Variants in TVP23C observed in about 807,000 individuals in gnomAD.
TVP23C encodes the protein trans-golgi network vesicle protein 23 homolog C.
Under a neutral mutation model 28.7 loss-of-function variants are expected in TVP23C, and 19 were observed. The observed-to-expected ratio is 0.66, with a 90% confidence interval of 0.46 to 0.97. The LOEUF (loss-of-function observed/expected upper bound fraction) is 0.97. TVP23C is among the 50% of genes least tolerant of loss of function. The pLI is 0.00. For synonymous variants in TVP23C, 68 were observed against 81.7 expected, an observed-to-expected ratio of 0.83 and a Z score of 0.90; for missense variants, 186 against 241.3, an observed-to-expected ratio of 0.77 and a Z score of 1.52.
intron 5 of TVP23C, among the ~76,000 whole-genome samples, chr17:15,527,035 C>T (rs1445105155): frequency 6.6e-6 from 1 of 152,154 alleles, no homozygotes; most frequent in Non-Finnish European, 1.5e-5. Flanking sequence ...TTCCAGGCCA[C>T]CAAGCCAAAA....
At chr17:15,547,942 C>G (rs1408786427) in intron 3 of TVP23C, among the ~76,000 whole-genome samples, 1 of 152,128 alleles carries the variant, frequency 6.6e-6, no homozygotes, top group African/African-American at 2.4e-5. Context: ...CTAATAGATT[C>G]AGTGGTTCTG....
chr17:15,502,966 G>A (rs1330860207), exon 6 of TVP23C: 13 of 1,614,054 alleles, frequency 8.1e-6, no homozygotes, highest in Non-Finnish European at 1.1e-5. Flanking sequence ...GCCGCAAGGA[G>A]AGAAATAGGC....
At chr17:15,509,464 A>G (rs1597503410) in intron 5 of TVP23C, among the ~76,000 whole-genome samples, 1 of 152,332 alleles carries the variant, frequency 6.6e-6, no homozygotes, top group African/African-American at 2.4e-5. Context: ...CCTTCTTTCC[A>G]AGTGGTGGTT....
downstream of TVP23C, among the ~76,000 whole-genome samples, chr17:15,534,578 TACACACACACACACACACACACAC>T (rs370038704): frequency 1.6e-5 from 2 of 125,160 alleles, no homozygotes; most frequent in Non-Finnish European, 3.2e-5. Context: ...CCATCACTTC[TACACACACACACACACACACACAC>T]ACACACACAC....
Position 15,537,332 on chromosome 17 carries a change from G to A in TVP23C, c.*3080C>T, listed in dbSNP as rs2150846127. The A allele has an allele frequency of 3.3e-6, 3 of 908,590 alleles. No individual in the cohort carries two copies. The highest frequency in any genetic ancestry group is 5.1e-5 in the South Asian group (1 of 19,698). The allele number at this position is 908,590 out of a possible 1,614,324, so 56.3% of individuals were successfully genotyped here. ...TTTAGGCATTTATTATGCCAAGTAT[G>A]TAAATTATTATTCTCATTATGACAT... On this transcript the variant is annotated 3_prime_UTR_variant, in exon 6 of 6. Transcript: ENST00000518321.
chr17:15,543,778 G>C (rs1046976092), intron 5 of TVP23C, among the ~76,000 whole-genome samples: 2 of 151,714 alleles, frequency 1.3e-5, no homozygotes, highest in Non-Finnish European at 2.9e-5. Context: ...TGTGTCCCCA[G>C]ACAGCTCTGA....
At chr17:15,554,667 C>T (rs1984049853) in intron 2 of TVP23C, among the ~76,000 whole-genome samples, 1 of 152,176 alleles carries the variant, frequency 6.6e-6, no homozygotes, top group African/African-American at 2.4e-5. Flanking sequence ...AATTTTACAA[C>T]TTTTCATTAC....
At chr17:15,506,588 G>C (rs1024247968) in intron 5 of TVP23C, among the ~76,000 whole-genome samples, 2 of 152,192 alleles carry the variant, frequency 1.3e-5, no homozygotes, top group African/African-American at 4.8e-5. Flanking sequence ...CGGAAGCTTT[G>C]TTCTTTTGCT....
chr17:15,557,780 T>C (rs1984200555), intron 1 of TVP23C, among the ~76,000 whole-genome samples: 1 of 141,272 alleles, frequency 7.1e-6, no homozygotes, highest in Admixed American at 7.3e-5. Context: ...TCATTCCTAC[T>C]ACAGGGCACT....
At chr17:15,512,585 C>G (rs1982045816) in intron 5 of TVP23C, among the ~76,000 whole-genome samples, 1 of 152,218 alleles carries the variant, frequency 6.6e-6, no homozygotes, top group Admixed American at 6.5e-5. Context: ...AAAGCAATCT[C>G]TGTTGCCACA....
chr17:15,512,386 A>G (rs751518921), intron 5 of TVP23C, among the ~76,000 whole-genome samples: 1 of 152,184 alleles, frequency 6.6e-6, no homozygotes, highest in Non-Finnish European at 1.5e-5. Context: ...ACCAGGCTCT[A>G]ACTCTCTCCA....
At chr17:15,510,033 C>T (rs908260486) in intron 5 of TVP23C, among the ~76,000 whole-genome samples, 26 of 152,154 alleles carry the variant, frequency 1.7e-4, no homozygotes, top group African/African-American at 6.3e-4. Flanking sequence ...ATTTCGGAGA[C>T]GTTGACTTTT....
chr17:15,547,599 A>T (rs1428200137), intron 3 of TVP23C, among the ~76,000 whole-genome samples: 1 of 152,228 alleles, frequency 6.6e-6, no homozygotes, highest in East Asian at 1.9e-4. Context: ...TAAGGTAACA[A>T]ATTAGTTTGA....
At chr17:15,523,859 C>T (rs533892872) in intron 5 of TVP23C, among the ~76,000 whole-genome samples, 4 of 152,210 alleles carry the variant, frequency 2.6e-5, no homozygotes, top group South Asian at 4.1e-4. Context: ...GTGATCTGCC[C>T]GCCTCGGCCT....
chr17:15,533,170 AT>A (rs1460681507), downstream of TVP23C, among the ~76,000 whole-genome samples: 1 of 152,232 alleles, frequency 6.6e-6, no homozygotes, highest in African/African-American at 2.4e-5. Flanking sequence ...CGTGAGGCAT[AT>A]TTTTAAATCA....
chr17:15,507,028 A>T, intron 5 of TVP23C: 2 of 1,307,750 alleles, frequency 1.5e-6, no homozygotes, highest in Admixed American at 3.5e-5. Flanking sequence ...CTGCTTTCAC[A>T]GAATTATTCC....
chr17:15,553,835 A>G lies in TVP23C; in HGVS notation c.96-6T>C, dbSNP rs1385437365. 1 of 1,613,668 alleles carries G rather than the reference A, an allele frequency of 6.2e-7. No homozygotes were observed. The highest frequency in any genetic ancestry group is 8.5e-7 in the Non-Finnish European group (1 of 1,179,788). ...AAAACGATGCTACTGGATGTCTGAA[A>G]ACCAAAACACAATGAAAGAAATGCA... On this transcript the variant is annotated splice_polypyrimidine_tract_variant and splice_region_variant and intron_variant, in intron 2 of 5. Coordinates refer to ENST00000518321, the MANE Select transcript of TVP23C (RefSeq NM_001135036.2).
intron 5 of TVP23C, among the ~76,000 whole-genome samples, chr17:15,506,708 G>A (rs1304599767): frequency 2.0e-5 from 3 of 152,194 alleles, no homozygotes; most frequent in Non-Finnish European, 2.9e-5. Context: ...GCGAGACCAC[G>A]AACCCACCAG....
Sources: allele counts gnomAD v4.1 joint callset (sites outside exome capture counted in the v4.1 genomes callset), GRCh38; gene constraint gnomAD v4.1.1; transcripts MANE v1.5; gene names NCBI Gene and HGNC (gene_info 2026-07-23, HGNC 2026-07-21).